Variants in HS6ST3 observed in about 807,000 individuals in gnomAD.
HS6ST3 encodes the protein heparan sulfate 6-O-sulfotransferase 3.
A neutral mutation model predicts 36.7 loss-of-function variants in HS6ST3; 12 were observed. The observed-to-expected ratio is 0.33, with a 90% CI of 0.21 to 0.53. HS6ST3 has a LOEUF of 0.53. HS6ST3 is among the 20% of genes least tolerant of loss of function. The probability of loss-of-function intolerance (pLI) is 0.95; values close to 1 mark genes in which losing one functional copy is unlikely to be tolerated. For synonymous variants in HS6ST3, 240 were observed against 257.5 expected, an observed-to-expected ratio of 0.93 and a Z score of 0.65; for missense variants, 584 against 640.9, an observed-to-expected ratio of 0.91 and a Z score of 0.96.
chr13:96,833,019 G>T lies in HS6ST3; in HGVS notation c.1237G>T (p.Asp413Tyr). 1.2e-6 allele frequency: 2 copies of T among 1,613,978 alleles called. No homozygotes were observed. The highest frequency in any genetic ancestry group is 2.2e-5 in the South Asian group (2 of 91,068). ...LDMQLYEYAKDLFQQRYHHTK... is the reference protein window; with the variant it reads ...LDMQLYEYAKYLFQQRYHHTK... ...CATGCAGCTTTACGAGTATGCAAAA[G>T]ATCTCTTCCAGCAGCGCTACCACCA... Residue 413 changes from aspartate to tyrosine, a missense_variant, in exon 2 of 2, where the codon GAT becomes TAT. Physicochemically the swap from Asp to Tyr is radical, Grantham distance 160 (BLOSUM62 -3). This residue lies in a region of HS6ST3 where 360 missense variants were observed against 411.3 expected (regional missense o/e 0.88). Transcript: ENST00000376705.
chr13:96,298,720 A>G (rs2054867188), intron 1 of HS6ST3, among the ~76,000 whole-genome samples: 1 of 152,210 alleles, frequency 6.6e-6, no homozygotes, highest in Non-Finnish European at 1.5e-5. Flanking sequence ...CCTGTCACAC[A>G]GAATGAGGTT....
intron 1 of HS6ST3, among the ~76,000 whole-genome samples, chr13:96,680,182 G>C (rs1269417404): frequency 1.3e-5 from 2 of 152,030 alleles, no homozygotes; most frequent in African/African-American, 4.8e-5. Flanking sequence ...ACACAAACAG[G>C]CTGCCACACA....
intron 1 of HS6ST3, among the ~76,000 whole-genome samples, chr13:96,576,221 A>T (rs1040327779): frequency 5.3e-5 from 8 of 152,000 alleles, no homozygotes; most frequent in African/African-American, 1.7e-4. Flanking sequence ...AGGACCTGGG[A>T]TGTGCAAGGG....
chr13:96,240,207 C>T (rs2054553554), intron 1 of HS6ST3, among the ~76,000 whole-genome samples: 1 of 152,034 alleles, frequency 6.6e-6, no homozygotes, highest in Admixed American at 6.6e-5. Context: ...AAGATAAGAT[C>T]CTAGCAGTAT....
intron 1 of HS6ST3, among the ~76,000 whole-genome samples, chr13:96,423,696 A>T (rs2055572234): frequency 6.6e-6 from 1 of 151,936 alleles, no homozygotes; most frequent in Non-Finnish European, 1.5e-5. Context: ...AGCAGAATGG[A>T]GGCTGTACTT....
chr13:96,370,873 G>T (rs2055286492), intron 1 of HS6ST3, among the ~76,000 whole-genome samples: 1 of 152,154 alleles, frequency 6.6e-6, no homozygotes, highest in Non-Finnish European at 1.5e-5. Context: ...ACTCCAGCCT[G>T]GGTGACGGAG....
intron 1 of HS6ST3, among the ~76,000 whole-genome samples, chr13:96,262,196 T>G (rs1212666824): frequency 6.6e-6 from 1 of 152,188 alleles, no homozygotes; most frequent in Non-Finnish European, 1.5e-5. Context: ...TCTCTGACTC[T>G]AAATAAATAA....
chr13:96,360,772 C>T (rs2055234281), intron 1 of HS6ST3, among the ~76,000 whole-genome samples: 1 of 151,310 alleles, frequency 6.6e-6, no homozygotes, highest in African/African-American at 2.4e-5. Flanking sequence ...CATGGTGAAA[C>T]CTCGTCTCTA....
chr13:96,199,203 G>T (rs2054329432), intron 1 of HS6ST3, among the ~76,000 whole-genome samples: 1 of 152,188 alleles, frequency 6.6e-6, no homozygotes, highest in Admixed American at 6.5e-5. Flanking sequence ...AATTCAAGTT[G>T]AGATTTGAGT....
intron 1 of HS6ST3, among the ~76,000 whole-genome samples, chr13:96,517,578 G>A (rs1024259704): frequency 1.3e-5 from 2 of 151,864 alleles, no homozygotes; most frequent in African/African-American, 2.4e-5. Flanking sequence ...ATATTTTTAG[G>A]TGTCGGCTAC....
At chr13:96,211,051 C>T (rs1391725026) in intron 1 of HS6ST3, among the ~76,000 whole-genome samples, 2 of 152,010 alleles carry the variant, frequency 1.3e-5, no homozygotes, top group Admixed American at 6.6e-5. Context: ...CTGCCTCAGC[C>T]TCCCAAGAAA....
At position 96,651,291 on chromosome 13, in the gene HS6ST3, G is replaced by C. The variant is rs1164940753; in HGVS notation, c.708-181199G>C. On this transcript the variant is annotated intron_variant, in intron 1 of 1. Coordinates refer to ENST00000376705, the MANE Select transcript of HS6ST3 (RefSeq NM_153456.4). ...TTCCTAATATCATCCTCTTTTTCTG[G>C]GATGTTCTTTTTTGCCCACTTCTGA... 4.0e-5 allele frequency among the ~76,000 whole-genome samples: 6 copies of C among 151,734 alleles called. No homozygotes were observed. In the South Asian group the frequency reaches 6.3e-4, roughly 16 times the overall value.
chr13:96,706,427 A>G (rs948541831), intron 1 of HS6ST3, among the ~76,000 whole-genome samples: 1 of 129,282 alleles, frequency 7.7e-6, no homozygotes, highest in South Asian at 2.2e-4. Context: ...ATATATATAT[A>G]TATATATATA....
chr13:96,596,310 G>A (rs1183441289), intron 1 of HS6ST3, among the ~76,000 whole-genome samples: 1 of 152,096 alleles, frequency 6.6e-6, no homozygotes, highest in Non-Finnish European at 1.5e-5. Context: ...ATTCCATGGT[G>A]TGTGTATATA....
At chr13:96,273,926 TCC>T (rs2054733906) in intron 1 of HS6ST3, among the ~76,000 whole-genome samples, 1 of 33,926 alleles carries the variant, frequency 2.9e-5, no homozygotes, top group African/African-American at 1.5e-4. Context: ...CCTTCCTTCT[TCC>T]CTCCCTCCCT....
chr13:96,525,144 A>T (rs982070574), intron 1 of HS6ST3, among the ~76,000 whole-genome samples: 2 of 152,200 alleles, frequency 1.3e-5, no homozygotes, highest in African/African-American at 4.8e-5. Context: ...TCTCGTATCA[A>T]TTAAATTTAA....
chr13:96,261,622 G>A (rs2054666910), intron 1 of HS6ST3, among the ~76,000 whole-genome samples: 1 of 152,148 alleles, frequency 6.6e-6, no homozygotes, highest in Non-Finnish European at 1.5e-5. Context: ...GCAGCTGAAC[G>A]ATTTTGCATG....
intron 1 of HS6ST3, among the ~76,000 whole-genome samples, chr13:96,707,951 G>T (rs1287214186): frequency 1.3e-5 from 2 of 152,202 alleles, no homozygotes; most frequent in African/African-American, 4.8e-5. Context: ...TCTAAGTGAA[G>T]AACTGGAGTT....
chr13:96,557,781 C>A (rs1180432753), intron 1 of HS6ST3, among the ~76,000 whole-genome samples: 2 of 152,156 alleles, frequency 1.3e-5, no homozygotes, highest in Non-Finnish European at 2.9e-5. Context: ...GCCTTTGACT[C>A]CTAGCTTAGA....
Sources: gnomAD v4.1 joint callset for allele counts (sites outside exome capture counted in the v4.1 genomes callset) on GRCh38, gnomAD v4.1.1 for gene constraint, gnomAD v4.1.1 regional missense constraint, MANE v1.5 for transcripts, NCBI Gene and HGNC (gene_info 2026-07-23, HGNC 2026-07-21) for gene names.